Variants in CARD14 observed in about 807,000 individuals in gnomAD.
The protein encoded by CARD14 is caspase recruitment domain-containing protein 14.
CARD14 carries 107 observed loss-of-function variants against 111.5 expected under a neutral mutation model. That is an observed-to-expected ratio of 0.96 (90% confidence interval 0.82 to 1.13). CARD14 has a LOEUF of 1.13. CARD14 is among the 50% of genes most tolerant of loss of function. The pLI is 0.00. For synonymous variants in CARD14, 617 were observed against 579.6 expected (o/e 1.06, Z -0.93); for missense variants, 1,322 against 1,362.3 (o/e 0.97, Z 0.47).
chr17:80,173,096 T>C lies in CARD14; in HGVS notation c.-499T>C. ...GGGTTTCACCATGTTGGCAGGCTGG[T>C]CTCGAACTCTGACCTCAAGTGATCT... On this transcript the variant is annotated 5_prime_UTR_variant, in exon 2 of 24. Transcript: ENST00000648509. 1 of 153,318 alleles carries C rather than the reference T, an allele frequency of 6.5e-6. No homozygotes were observed. The allele number at this position is 153,318 out of a possible 1,614,324, so 9.5% of individuals were successfully genotyped here.
intron 3 of CARD14, among the ~76,000 whole-genome samples, 186 bp from the exon 4 acceptor site, chr17:80,178,918 G>A (rs1373159857): frequency 6.6e-6 from 1 of 152,106 alleles, no homozygotes; most frequent in Non-Finnish European, 1.5e-5. Context: ...GCTAATTTTT[G>A]TATTTTCAAT....
At chr17:80,202,647 T>A (rs1024964141) in intron 18 of CARD14, 1 of 1,381,552 alleles carries the variant, frequency 7.2e-7, no homozygotes, top group African/African-American at 1.5e-5. Context: ...TAGATCTGGG[T>A]TTCTTAGCTC....
At chr17:80,174,858 C>T (rs1368246329) in intron 2 of CARD14, among the ~76,000 whole-genome samples, 2 of 152,210 alleles carry the variant, frequency 1.3e-5, no homozygotes, top group Admixed American at 1.3e-4. Context: ...TAGAGGGATG[C>T]TGAAGCCCTC....
At chr17:80,191,529 G>T in intron 11 of CARD14, 57 bp downstream of exon 11, 1 of 1,585,526 alleles carries the variant, frequency 6.3e-7, no homozygotes, top group South Asian at 1.1e-5. Context: ...GGTGACAGTG[G>T]GACAGAGCTG....
chr17:80,174,620 T>A (rs2039980456), intron 2 of CARD14, among the ~76,000 whole-genome samples: 1 of 152,080 alleles, frequency 6.6e-6, no homozygotes. Flanking sequence ...GGGTAAAGAA[T>A]CTTCTTATTT....
At chr17:80,192,441 C>A in intron 11 of CARD14, 62 bp from the exon 12 acceptor site, 1 of 1,308,752 alleles carries the variant, frequency 7.6e-7, no homozygotes. Flanking sequence ...GGTAGAAACT[C>A]CACGGGCCTC....
intron 7 of CARD14, chr17:80,187,904 C>A: frequency 1.0e-6 from 1 of 985,778 alleles, no homozygotes; most frequent in Non-Finnish European, 1.2e-6. Context: ...GTCTGAACAG[C>A]CCCGGTCCCG....
At chr17:80,176,050 C>G (rs1460085669) in intron 2 of CARD14, among the ~76,000 whole-genome samples, 7 of 139,728 alleles carry the variant, frequency 5.0e-5, no homozygotes, top group African/African-American at 1.9e-4. Context: ...CTCAAGCGAT[C>G]CTCCTGCCTC....
Position 80,201,198 on chromosome 17 carries a change from T to C in CARD14, c.1852-546T>C, listed in dbSNP as rs185235825. The C allele has an allele frequency of 1.3e-5, 2 of 154,602 alleles. No homozygotes were observed. Among genetic ancestry groups the C allele is most frequent in the South Asian group, 3.9e-4 (2 of 5,084 alleles). 9.6% of individuals were successfully genotyped at this position (154,602 alleles called of 1,614,324 possible). A position where few individuals can be genotyped will look rare whatever the true frequency, so the allele number is the denominator to read the frequency against. ...CACATCTTAATTTTTATTGTAAAAA[T>C]ATCTACTCTCCTAAGCTTAGAACAA... On this transcript the variant is annotated intron_variant, in intron 16 of 23. Transcript: ENST00000648509. The surrounding 1 kb of genome is among the most constrained non-coding windows in gnomAD (Gnocchi z 5.0).
chr17:80,195,616 G>T lies in CARD14; in HGVS notation c.1558G>T (p.Asp520Tyr). 6.2e-7 allele frequency: 1 copy of T among 1,613,456 alleles called. No individual in the cohort carries two copies. The highest frequency in any genetic ancestry group is 1.1e-5 in the South Asian group (1 of 91,032). Reference sequence around the variant, plus strand: ...AGCCCTGCCGGGAGCTAAGGCAGGCGACCCACACCTGGATTATGAGCTCCT... The same window carrying T: ...AGCCCTGCCGGGAGCTAAGGCAGGCTACCCACACCTGGATTATGAGCTCCT... ...PGALPGAKAG[D>Y]PHLDYELLDT... The change falls in exon 14 of 24, where the codon GAC (aspartate) becomes TAC (tyrosine). Residue 520 changes from aspartate (D) to tyrosine (Y), a missense_variant. Asp to Tyr is a radical substitution (Grantham distance 160). Coordinates refer to ENST00000648509, the MANE Select transcript of CARD14 (RefSeq NM_001366385.1). This position sits in a 1 kb window ranked among gnomAD's most constrained non-coding sequence, Gnocchi z 4.7.
chr17:80,173,667 C>T (rs1470914124), intron 2 of CARD14, among the ~76,000 whole-genome samples: 1 of 151,362 alleles, frequency 6.6e-6, no homozygotes, highest in Non-Finnish European at 1.5e-5. Flanking sequence ...GGCACAATCT[C>T]GGCTCACTGC....
intron 1 of CARD14, among the ~76,000 whole-genome samples, chr17:80,170,763 C>A (rs1400483937): frequency 8.2e-6 from 1 of 121,684 alleles, no homozygotes; most frequent in Non-Finnish European, 1.8e-5. Context: ...GATCTCTGGG[C>A]CCTCCCCTCC....
At chr17:80,191,210 G>T in intron 10 of CARD14, 113 bp from the exon 11 acceptor site, 1 of 1,284,788 alleles carries the variant, frequency 7.8e-7, no homozygotes, top group South Asian at 1.4e-5. Context: ...AGCTCAGCGT[G>T]GGCCATTTAG....
At position 80,207,089 on chromosome 17, in the gene CARD14, G is replaced by A. The variant is rs1256874588; in HGVS notation, c.2807+4G>A. ...AGAAGATGGCAAAGAAGCTCAAGTA[G>A]GTGCACGCTGGGGGCTGGGCAGGGG... On this transcript the variant is annotated splice_donor_region_variant and intron_variant, in intron 23 of 23. Transcript: ENST00000648509. 6 of 1,606,508 alleles carry A rather than the reference G, an allele frequency of 3.7e-6. No individual in the cohort carries two copies. Among genetic ancestry groups the A allele is most frequent in the South Asian group, 2.2e-5 (2 of 90,938 alleles).
Position 80,182,836 on chromosome 17 carries a change from T to C in CARD14, c.349+46T>C, listed in dbSNP as rs1243917207. The C allele has an allele frequency of 1.2e-6, 2 of 1,609,528 alleles. No homozygotes were observed. Among genetic ancestry groups the C allele is most frequent in the Non-Finnish European group, 1.7e-6 (2 of 1,176,736 alleles). ...GGTTTGGCAGGCACTTCTAGGAACC[T>C]CAGGCTCCTGGTAACCCCAGGTGCC... On this transcript the variant is annotated intron_variant, in intron 6 of 23. Coordinates refer to ENST00000648509, the MANE Select transcript of CARD14 (RefSeq NM_001366385.1). This position sits in a 1 kb window ranked among gnomAD's most constrained non-coding sequence, Gnocchi z 4.7.
At chr17:80,177,184 T>G (rs2040045351) in intron 2 of CARD14, among the ~76,000 whole-genome samples, 1 of 152,022 alleles carries the variant, frequency 6.6e-6, no homozygotes, top group Admixed American at 6.6e-5. Context: ...CATGGGGTGA[T>G]CATGGGGTGT....
intron 7 of CARD14, chr17:80,187,945 G>C (rs1049188752): frequency 1.0e-5 from 10 of 986,292 alleles, no homozygotes; most frequent in Non-Finnish European, 1.1e-5. Flanking sequence ...CCTCCGACCT[G>C]ACTTTCCTCT....
intron 1 of CARD14, among the ~76,000 whole-genome samples, chr17:80,171,987 C>A (rs1452859348): frequency 6.6e-6 from 1 of 152,228 alleles, no homozygotes; most frequent in Non-Finnish European, 1.5e-5. Context: ...GGCTGACCAC[C>A]AGTCCTGGTC....
In CARD14 at chr17:80,208,132, G is replaced by A; in HGVS notation, c.2808-6G>A. On this transcript the variant is annotated splice_polypyrimidine_tract_variant and splice_region_variant and intron_variant, in intron 23 of 23. Transcript: ENST00000648509. ...AGCCCGCCCCCCCCAACTCTGGCCT[G>A]TGCAGGAAGGGCCTACAGCGGTTGG... 2 of 1,532,112 alleles carry A rather than the reference G, an allele frequency of 1.3e-6. No individual in the cohort carries two copies. Among genetic ancestry groups the A allele is most frequent in the African/African-American group, 1.4e-5 (1 of 72,830 alleles). The allele number at this position is 1,532,112 out of a possible 1,614,324, so 94.9% of individuals were successfully genotyped here.
Sources: gnomAD v4.1 joint callset for allele counts (sites outside exome capture counted in the v4.1 genomes callset) on GRCh38, gnomAD v4.1.1 for gene constraint, Gnocchi (gnomAD v3.1) non-coding constraint, MANE v1.5 for transcripts, NCBI Gene and HGNC (gene_info 2026-07-23, HGNC 2026-07-21) for gene names.